Variants in CXCL13 observed in about 807,000 individuals in gnomAD.
CXCL13 encodes C-X-C motif chemokine 13.
In CXCL13, 7 loss-of-function variants were observed where a neutral mutation model predicts 12.2. The observed-to-expected ratio is 0.57, with a 90% CI of 0.33 to 1.07. CXCL13 has a LOEUF of 1.07. Ranked by LOEUF, CXCL13 falls within the 50% of genes least tolerant of loss-of-function variation. The pLI is 0.04. For synonymous variants in CXCL13, 47 were observed against 42.4 expected (o/e 1.11, Z -0.42); for missense variants, 113 against 127.4 (o/e 0.89, Z 0.55).
intron 1 of CXCL13, among the ~76,000 whole-genome samples, chr4:77,544,696 T>A (rs1261943605): frequency 9.2e-5 from 14 of 152,240 alleles, no homozygotes; most frequent in Admixed American, 9.2e-4. Context: ...TTCTGTAGGT[T>A]GCCTGTTCAC....
At chr4:77,588,149 C>T (rs895312065) in intron 1 of CXCL13, among the ~76,000 whole-genome samples, 3 of 152,126 alleles carry the variant, frequency 2.0e-5, no homozygotes, top group Non-Finnish European at 4.4e-5. Context: ...AAAGGAAATG[C>T]CTCTTTCATT....
At chr4:77,543,254 ATTT>A (rs1334075636) in intron 1 of CXCL13, among the ~76,000 whole-genome samples, 1 of 151,234 alleles carries the variant, frequency 6.6e-6, no homozygotes, top group African/African-American at 2.4e-5. Flanking sequence ...TGTTTTTTTC[ATTT>A]TTTATTAATG....
upstream of CXCL13, among the ~76,000 whole-genome samples, chr4:77,602,232 TGA>T (rs1396819108): frequency 6.6e-6 from 1 of 152,172 alleles, no homozygotes; most frequent in Admixed American, 6.5e-5. Context: ...TTTGATATCT[TGA>T]GAGAGAGTTT....
At chr4:77,512,592 T>A (rs1321735168) in intron 1 of CXCL13, among the ~76,000 whole-genome samples, 2 of 152,120 alleles carry the variant, frequency 1.3e-5, no homozygotes, top group African/African-American at 2.4e-5. Flanking sequence ...TCTCTTCTTA[T>A]AAGGACACCA....
At chr4:77,556,758 A>G (rs1368153367) in intron 1 of CXCL13, among the ~76,000 whole-genome samples, 1 of 152,148 alleles carries the variant, frequency 6.6e-6, no homozygotes, top group Non-Finnish European at 1.5e-5. Flanking sequence ...GGGAAACAAG[A>G]TTGGGCACAG....
chr4:77,549,719 C>T (rs937253698), intron 1 of CXCL13, among the ~76,000 whole-genome samples: 2 of 152,174 alleles, frequency 1.3e-5, no homozygotes, highest in African/African-American at 4.8e-5. Flanking sequence ...AGCTTCATCT[C>T]AGAGGGGCAC....
At chr4:77,576,357 C>A (rs552645930) in intron 1 of CXCL13, among the ~76,000 whole-genome samples, 1 of 152,302 alleles carries the variant, frequency 6.6e-6, no homozygotes, top group Non-Finnish European at 1.5e-5. Context: ...AAGTTATACT[C>A]CTGTGACCAA....
chr4:77,547,737 A>C (rs1278409882), intron 1 of CXCL13, among the ~76,000 whole-genome samples: 1 of 152,140 alleles, frequency 6.6e-6, no homozygotes, highest in South Asian at 2.1e-4. Flanking sequence ...TTTACATTTA[A>C]GATTAATATT....
chr4:77,608,569 C>T (rs1444238643), intron 2 of CXCL13, among the ~76,000 whole-genome samples: 5 of 152,208 alleles, frequency 3.3e-5, no homozygotes, highest in Non-Finnish European at 7.3e-5. Context: ...GCATCCCTGA[C>T]TTGGCATTCA....
At position 77,609,273 on chromosome 4, in the gene CXCL13, GGTTT is replaced by G. The variant is rs538270869; in HGVS notation, c.198-1336_198-1333del. On this transcript the variant is annotated intron_variant, in intron 2 of 3. Coordinates refer to ENST00000682537, the MANE Select transcript of CXCL13 (RefSeq NM_001371558.1). ...GTCTTTATTGTTTTGGGGTTTTTGT[GGTTT>G]GTTTCTGTTTTTTGTGTTTTGGGTT... 1.5e-3 allele frequency among the ~76,000 whole-genome samples: 229 copies of G among 151,316 alleles called. 2 individuals are homozygous for G. Among genetic ancestry groups the G allele is most frequent in the Non-Finnish European group, 2.8e-3 (191 of 67,808 alleles).
chr4:77,605,637 A>G (rs1322955119), upstream of CXCL13, among the ~76,000 whole-genome samples: 1 of 152,210 alleles, frequency 6.6e-6, no homozygotes, highest in African/African-American at 2.4e-5. Flanking sequence ...TGTTTGCAAG[A>G]AATATTTTAT....
Position 77,611,392 on chromosome 4 carries a change from T to G in CXCL13, c.*353T>G, listed in dbSNP as rs192813239. The G allele has an allele frequency of 8.3e-6, 3 of 362,518 alleles. No individual in the cohort carries two copies. 22.5% of individuals were successfully genotyped at this position (362,518 alleles called of 1,614,324 possible). ...AGAATTTAAGCCTCAAATTTGAACATGTGGCTTGAATTAAGAAGAAAATTA... is the reference window on the plus strand; with the variant it reads ...AGAATTTAAGCCTCAAATTTGAACAGGTGGCTTGAATTAAGAAGAAAATTA... On this transcript the variant is annotated 3_prime_UTR_variant, in exon 4 of 4. Coordinates refer to ENST00000682537, the MANE Select transcript of CXCL13 (RefSeq NM_001371558.1).
intron 1 of CXCL13, among the ~76,000 whole-genome samples, chr4:77,552,288 T>C (rs927623889): frequency 2.6e-5 from 4 of 152,164 alleles, no homozygotes; most frequent in African/African-American, 7.2e-5. Flanking sequence ...AACATTTTTT[T>C]CCCTTTCCTT....
chr4:77,540,157 T>C (rs1166507453), intron 1 of CXCL13, among the ~76,000 whole-genome samples: 1 of 152,232 alleles, frequency 6.6e-6, no homozygotes, highest in Admixed American at 6.5e-5. Flanking sequence ...CTAAGGTATC[T>C]AATAATAGTA....
chr4:77,540,600 G>C (rs1273787867), intron 1 of CXCL13, among the ~76,000 whole-genome samples: 1 of 152,104 alleles, frequency 6.6e-6, no homozygotes, highest in African/African-American at 2.4e-5. Context: ...AGGCCACAAT[G>C]TCTTTCTTTT....
chr4:77,597,909 G>A lies in CXCL13; in HGVS notation c.-42-7915G>A, dbSNP rs1001191244. Among the ~76,000 whole-genome samples the A allele has an allele frequency of 2.0e-5, 3 of 152,216 alleles. No individual in the cohort carries two copies. In the South Asian group the frequency reaches 6.2e-4, roughly 32 times the overall value. On this transcript the variant is annotated intron_variant, in intron 1 of 4. Transcript: ENST00000286758. ...AGAGAGCTTTGGGAGACTGCCAGGTGTATAAGAGAATCCCTGCCCTCTCAT... is the reference window on the plus strand; with the variant it reads ...AGAGAGCTTTGGGAGACTGCCAGGTATATAAGAGAATCCCTGCCCTCTCAT...
intron 1 of CXCL13, among the ~76,000 whole-genome samples, chr4:77,541,775 G>A (rs1186455140): frequency 1.3e-5 from 2 of 151,482 alleles, no homozygotes; most frequent in Non-Finnish European, 2.9e-5. Context: ...AGCTTAATAT[G>A]AATACCATTG....
At chr4:77,582,483 A>G (rs140259155) in intron 1 of CXCL13, among the ~76,000 whole-genome samples, 3 of 152,308 alleles carry the variant, frequency 2.0e-5, no homozygotes, top group Non-Finnish European at 2.9e-5. Flanking sequence ...CTTCTCATAG[A>G]AAGTGAGGAG....
chr4:77,583,120 T>C (rs1726378059), intron 1 of CXCL13, among the ~76,000 whole-genome samples: 1 of 152,136 alleles, frequency 6.6e-6, no homozygotes. Context: ...CTTCCTTAGG[T>C]CAGAGAGCCA....
Sources: gnomAD v4.1 joint callset for allele counts (sites outside exome capture counted in the v4.1 genomes callset) on GRCh38, gnomAD v4.1.1 for gene constraint, MANE v1.5 for transcripts, NCBI Gene and HGNC (gene_info 2026-07-23, HGNC 2026-07-21) for gene names.